The following PWWP3A variants were observed in gnomAD, a reference collection of about 807,000 sequenced individuals.
The protein encoded by PWWP3A is PWWP domain containing 3A, DNA repair factor.
In PWWP3A, 53 loss-of-function variants were observed where a neutral mutation model predicts 79.0. The observed-to-expected ratio is 0.67, with a 90% CI of 0.54 to 0.84. The LOEUF (loss-of-function observed/expected upper bound fraction) is 0.84. Ranked by LOEUF, PWWP3A falls within the 40% of genes least tolerant of loss-of-function variation. The pLI is 0.00. For missense variants in PWWP3A, 973 were observed against 948.0 expected (o/e 1.03, Z -0.35); for synonymous variants, 443 against 394.4 (o/e 1.12, Z -1.46).
chr19:1,373,137 C>T lies in PWWP3A; in HGVS notation c.2052C>T (p.Ile684=), dbSNP rs150635623. ...VDYKTAEEKY[I]KGPSLSYREK... ...ACAAGACGGCTGAGGAGAAGTACAT[C>T]AAGGGGCCTTCGCTGAGCTACCGGT... The change falls in exon 13 of 14, where the codon ATC becomes ATT. Residue 684 remains isoleucine, a synonymous_variant. Coordinates refer to ENST00000591337, the MANE Select transcript of PWWP3A (RefSeq NM_001369789.1). 5.1e-5 allele frequency: 83 copies of T among 1,614,202 alleles called. No individual in the cohort carries two copies. Among genetic ancestry groups the T allele is most frequent in the Non-Finnish European group, 6.7e-5 (79 of 1,180,032 alleles).
At chr19:1,355,789 A>C (rs1004327844) in intron 1 of PWWP3A, among the ~76,000 whole-genome samples, 25 of 134,302 alleles carry the variant, frequency 1.9e-4, no homozygotes, top group East Asian at 4.6e-4. Context: ...GCTAAATTCC[A>C]CCCCCACCCC....
chr19:1,366,913 A>G (rs2082141382), intron 8 of PWWP3A, among the ~76,000 whole-genome samples: 1 of 152,142 alleles, frequency 6.6e-6, no homozygotes, highest in African/African-American at 2.4e-5. Context: ...GGAGGTGTGG[A>G]GTGGAGACCC....
chr19:1,369,408 G>C lies in PWWP3A; in HGVS notation c.1498+68G>C. ...TCCAGCCTCTGAAGACCCCTTGGAC[G>C]GGCTGGGCCGGAGCTGCCTGGAGGC... On this transcript the variant is annotated intron_variant, in intron 10 of 13. Coordinates refer to ENST00000591337, the MANE Select transcript of PWWP3A (RefSeq NM_001369789.1). The surrounding 1 kb of genome is among the most constrained non-coding windows in gnomAD (Gnocchi z 4.0). 1 of 1,568,660 alleles carries C rather than the reference G, an allele frequency of 6.4e-7. No homozygotes were observed. Among genetic ancestry groups the C allele is most frequent in the Non-Finnish European group, 8.8e-7 (1 of 1,141,090 alleles).
At chr19:1,366,480 GC>G (rs2144733725) in intron 8 of PWWP3A, 99 bp downstream of exon 8, 2 of 1,115,156 alleles carry the variant, frequency 1.8e-6, no homozygotes, top group Non-Finnish European at 2.7e-6. Context: ...CAGAGGGGAG[GC>G]CCCGGCAGGA....
chr19:1,356,025 A>T (rs1015152683), intron 1 of PWWP3A, among the ~76,000 whole-genome samples: 1 of 152,164 alleles, frequency 6.6e-6, no homozygotes. Context: ...GGTCGGAGGC[A>T]GGTCTTCCGC....
At position 1,370,970 on chromosome 19, in the gene PWWP3A, C is replaced by G. The variant is rs1376873803; in HGVS notation, c.1878C>G (p.Asp626Glu). 1.3e-6 allele frequency: 2 copies of G among 1,562,226 alleles called. No homozygotes were observed. Among genetic ancestry groups the G allele is most frequent in the Admixed American group, 1.9e-5 (1 of 52,134 alleles). ...ETYLEDEGQL[D>E]LVVKYLQGVY... is the part of the protein sequence containing the mutation. ...ACCTGGAGGATGAGGGGCAGCTGGACCTGGTGGTGAAGTACCTGCAGGGCG... is the reference window on the plus strand; with the variant it reads ...ACCTGGAGGATGAGGGGCAGCTGGAGCTGGTGGTGAAGTACCTGCAGGGCG... Residue 626 changes from aspartate to glutamate, a missense_variant, in exon 12 of 14, where the codon GAC (aspartate) becomes GAG (glutamate). By Grantham distance (45) the Asp-to-Glu change is conservative. Transcript: ENST00000591337.
At chr19:1,371,773 G>A (rs1465436249) in intron 12 of PWWP3A, among the ~76,000 whole-genome samples, 1 of 149,590 alleles carries the variant, frequency 6.7e-6, no homozygotes, top group African/African-American at 2.5e-5. Context: ...AACCTGCCTG[G>A]AATTATTTTT....
Position 1,370,625 on chromosome 19 carries a change from A to G in PWWP3A, c.1550-17A>G, listed in dbSNP as rs937338674. The G allele has an allele frequency of 2.1e-6, 3 of 1,444,842 alleles. No individual in the cohort carries two copies. Among genetic ancestry groups the G allele is most frequent in the East Asian group, 5.0e-5 (2 of 39,614 alleles). 89.5% of individuals were successfully genotyped at this position (1,444,842 alleles called of 1,614,324 possible). Reference sequence around the variant, plus strand: ...GCAGCCCACGCGCTGGTCCCACGACAGGTGCTTCTTTTGCAGGCTATCCTG... The same window carrying G: ...GCAGCCCACGCGCTGGTCCCACGACGGGTGCTTCTTTTGCAGGCTATCCTG... On this transcript the variant is annotated splice_polypyrimidine_tract_variant and intron_variant, in intron 11 of 13. Transcript: ENST00000591337.
chr19:1,371,944 A>T (rs1055172306), intron 12 of PWWP3A, among the ~76,000 whole-genome samples: 93 of 151,496 alleles, frequency 6.1e-4, no homozygotes, highest in African/African-American at 2.2e-3. Context: ...AGCTGGGACT[A>T]CAGGCGCCCG....
chr19:1,362,414 G>GCCCGGT, intron 6 of PWWP3A, 63 bp downstream of exon 6: 1 of 1,335,924 alleles, frequency 7.5e-7, no homozygotes, highest in African/African-American at 1.5e-5. Context: ...CGGCGGCGGG[G>GCCCGGT]CTCCGAGACC....
rs374444100 is a variant in PWWP3A at position 1,360,098 on chromosome 19, T to C, written c.215-38T>C. 7.9e-6 allele frequency: 12 copies of C among 1,511,500 alleles called. No individual in the cohort carries two copies. The highest frequency in any genetic ancestry group is 1.1e-5 in the Non-Finnish European group (12 of 1,133,192). 93.6% of individuals were successfully genotyped at this position (1,511,500 alleles called of 1,614,324 possible). A position where few individuals can be genotyped will look rare whatever the true frequency, so the allele number is the denominator to read the frequency against. ...TGCCGTGACCGCAGTGCCTGTGCAG[T>C]GAACGTAACCGGCATTGTGTATGTT... On this transcript the variant is annotated intron_variant, in intron 4 of 13. Transcript: ENST00000591337. The surrounding 1 kb of genome is among the most constrained non-coding windows in gnomAD (Gnocchi z 4.4).
chr19:1,356,536 G>C, intron 2 of PWWP3A, 87 bp downstream of exon 2: 2 of 1,326,342 alleles, frequency 1.5e-6, no homozygotes, highest in Non-Finnish European at 2.1e-6. Flanking sequence ...CCTAGGATTT[G>C]CTTCAGTGAA....
chr19:1,371,085 C>T lies in PWWP3A; in HGVS notation c.1986+7C>T, dbSNP rs568284618. 4.4e-5 allele frequency: 68 copies of T among 1,554,218 alleles called. No individual in the cohort carries two copies. In the South Asian group the frequency reaches 6.9e-4, roughly 16 times the overall value. ...GGACGTGCTTCTGCCCGAGGTGAGC[C>T]GCGGACCGGCGTGTCACGTGGGCAG... On this transcript the variant is annotated splice_region_variant and intron_variant, in intron 12 of 13. Transcript: ENST00000591337.
At chr19:1,358,357 T>A (rs772022020) in intron 3 of PWWP3A, 37 bp from the exon 4 acceptor site, 4 of 1,563,022 alleles carry the variant, frequency 2.6e-6, no homozygotes, top group Non-Finnish European at 3.5e-6. Context: ...TTGGCGGCGT[T>A]GGCTGGTGGT....
chr19:1,360,844 G>A lies in PWWP3A; in HGVS notation c.923G>A (p.Ser308Asn). The A allele has an allele frequency of 1.3e-6, 2 of 1,551,454 alleles. No homozygotes were observed. The highest frequency in any genetic ancestry group is 2.4e-5 in the East Asian group (1 of 41,652). Residue 308 changes from serine to asparagine, a missense_variant, in exon 5 of 14, where the codon AGC (serine) becomes AAC (asparagine). Coordinates refer to ENST00000591337, the MANE Select transcript of PWWP3A (RefSeq NM_001369789.1). This position sits in a 1 kb window ranked among gnomAD's most constrained non-coding sequence, Gnocchi z 4.4. ...PAKKRPRLDGSQRPPAVQLEP... is the reference protein window; with the variant it reads ...PAKKRPRLDGNQRPPAVQLEP... Reference sequence around the variant, plus strand: ...AAAAAGAGGCCGCGCCTGGATGGCAGCCAAAGGCCGCCTGCCGTGCAGCTG... The same window carrying A: ...AAAAAGAGGCCGCGCCTGGATGGCAACCAAAGGCCGCCTGCCGTGCAGCTG...
chr19:1,367,054 TG>T, intron 8 of PWWP3A, 105 bp from the exon 9 acceptor site: 1 of 808,156 alleles, frequency 1.2e-6, no homozygotes, highest in Non-Finnish European at 2.0e-6. Context: ...CTGGGGCTGG[TG>T]GGGCCTCCAG....
Position 1,369,895 on chromosome 19 carries a change from C to T in PWWP3A, c.1549+249C>T, listed in dbSNP as rs573516539. Among the ~76,000 whole-genome samples, 1 of 152,270 alleles carries T rather than the reference C, an allele frequency of 6.6e-6. No homozygotes were observed. Among genetic ancestry groups the T allele is most frequent in the East Asian group, 1.9e-4 (1 of 5,184 alleles). ...CCCTCATCCCATGGGCCACATCCAG[C>T]GTGTCCCTGCTGTGGCTGGTGGCTG... On this transcript the variant is annotated intron_variant, in intron 11 of 13. Transcript: ENST00000591337. This position sits in a 1 kb window ranked among gnomAD's most constrained non-coding sequence, Gnocchi z 4.0.
intron 3 of PWWP3A, chr19:1,357,759 C>G (rs555686712): frequency 6.6e-6 from 1 of 150,746 alleles, no homozygotes; most frequent in Non-Finnish European, 1.5e-5. Flanking sequence ...TCCGACGCCC[C>G]GGTCAGTCCT....
chr19:1,359,194 A>C (rs2081954968), intron 4 of PWWP3A: 2 of 154,954 alleles, frequency 1.3e-5, no homozygotes. Flanking sequence ...CAAACCTGCC[A>C]GCCTTCCTTC....
Sources: gnomAD v4.1 joint callset for allele counts (sites outside exome capture counted in the v4.1 genomes callset) on GRCh38, gnomAD v4.1.1 for gene constraint, Gnocchi (gnomAD v3.1) non-coding constraint, MANE v1.5 for transcripts, NCBI Gene and HGNC (gene_info 2026-07-23, HGNC 2026-07-21) for gene names.